The following CATSPERT variants were observed in gnomAD, a reference collection of about 807,000 sequenced individuals.
The protein encoded by CATSPERT is cation channel sperm-associated targeting subunit tau.
At chr2:201,605,173 GA>G in the CATSPERT span, among the ~76,000 whole-genome samples, 5 of 151,904 alleles carry the variant, frequency 3.3e-5, no homozygotes, top group Non-Finnish European at 7.4e-5. Flanking sequence ...CAAGGAAAGA[GA>G]AATCTTAAGA....
the CATSPERT span, among the ~76,000 whole-genome samples, chr2:201,572,223 ATTTTATTATAC>A: frequency 6.6e-6 from 1 of 152,214 alleles, no homozygotes; most frequent in Non-Finnish European, 1.5e-5. Flanking sequence ...TTTGCCAAGC[ATTTTATTATAC>A]TTTTAATCTT....
chr2:201,598,190 C>T, the CATSPERT span, among the ~76,000 whole-genome samples: 256 of 152,302 alleles, frequency 1.7e-3, 1 homozygote, highest in African/African-American at 5.9e-3. Context: ...CAGCCTCAAA[C>T]TACTGGGTGC....
the CATSPERT span, among the ~76,000 whole-genome samples, chr2:201,588,144 T>C: frequency 1.3e-5 from 2 of 152,160 alleles, no homozygotes; most frequent in Non-Finnish European, 2.9e-5. Flanking sequence ...TAACTCATTC[T>C]ATGAGGCCAG....
the CATSPERT span, among the ~76,000 whole-genome samples, chr2:201,543,267 A>C: frequency 6.6e-6 from 1 of 152,138 alleles, no homozygotes; most frequent in Non-Finnish European, 1.5e-5. Context: ...TTTGTAATAC[A>C]TTTTGAAATC....
chr2:201,610,425 T>A, the CATSPERT span, among the ~76,000 whole-genome samples: 1 of 148,796 alleles, frequency 6.7e-6, no homozygotes, highest in Non-Finnish European at 1.5e-5. Flanking sequence ...GCCACTGCAC[T>A]CCAGCCTGGG....
chr2:201,584,551 G>A, the CATSPERT span, among the ~76,000 whole-genome samples: 3 of 152,002 alleles, frequency 2.0e-5, no homozygotes, highest in Admixed American at 6.5e-5. Flanking sequence ...TTGGGAGGCC[G>A]AGGTGGGTGA....
At chr2:201,601,708 T>C in the CATSPERT span, 2 of 1,578,134 alleles carry the variant, frequency 1.3e-6, no homozygotes, top group Non-Finnish European at 1.7e-6. Context: ...TAAGGAGCCA[T>C]TCTAATATCT....
the CATSPERT span, chr2:201,494,595 T>G: frequency 6.5e-7 from 1 of 1,537,298 alleles, no homozygotes; most frequent in Non-Finnish European, 8.7e-7. Flanking sequence ...GTCCTGCAGT[T>G]TTTGATTGTG....
the CATSPERT span, chr2:201,494,278 T>C: frequency 6.5e-7 from 1 of 1,537,100 alleles, no homozygotes; most frequent in Non-Finnish European, 8.7e-7. Context: ...AAATAATTTG[T>C]CTGAAAGGTC....
chr2:201,608,842 CAAAG>C, the CATSPERT span, among the ~76,000 whole-genome samples: 1 of 134,762 alleles, frequency 7.4e-6, no homozygotes, highest in African/African-American at 2.8e-5. Flanking sequence ...AAGAAACAAA[CAAAG>C]AAAGAAAGAA....
chr2:201,515,436 T>C, the CATSPERT span, among the ~76,000 whole-genome samples: 1 of 151,768 alleles, frequency 6.6e-6, no homozygotes, highest in African/African-American at 2.4e-5. Context: ...AGTTTCCCCA[T>C]GTTGGCCAGG....
chr2:201,545,650 AAAAG>A, the CATSPERT span: 64 of 830,706 alleles, frequency 7.7e-5, no homozygotes, highest in Non-Finnish European at 9.1e-5. Flanking sequence ...AAAAAAAAAA[AAAAG>A]AAAAAAAAAT....
chr2:201,549,415 A>G, the CATSPERT span, among the ~76,000 whole-genome samples: 1 of 152,054 alleles, frequency 6.6e-6, no homozygotes, highest in Non-Finnish European at 1.5e-5. Context: ...TCATCTAAAA[A>G]TTTCGAATGA....
the CATSPERT span, chr2:201,535,801 C>T: frequency 7.1e-7 from 1 of 1,408,608 alleles, no homozygotes; most frequent in Non-Finnish European, 9.2e-7. Flanking sequence ...TTTTGTCTCC[C>T]TAGTCTTATA....
chr2:201,581,459 T>TATAC, the CATSPERT span, among the ~76,000 whole-genome samples: 1 of 116,986 alleles, frequency 8.5e-6, no homozygotes, highest in African/African-American at 3.3e-5. Flanking sequence ...TATATATGTA[T>TATAC]ACACACACAC....
chr2:201,602,978 CA>C, the CATSPERT span, among the ~76,000 whole-genome samples: 1 of 152,180 alleles, frequency 6.6e-6, no homozygotes, highest in Non-Finnish European at 1.5e-5. Context: ...CATGCATCCC[CA>C]CTAAAGCAAC....
At chr2:201,591,172 G>A in the CATSPERT span, among the ~76,000 whole-genome samples, 2 of 152,122 alleles carry the variant, frequency 1.3e-5, no homozygotes, top group South Asian at 4.1e-4. Context: ...TAAGGTGTAA[G>A]GAAGGGATCC....
chr2:201,491,558 G>A, the CATSPERT span: 2 of 1,536,852 alleles, frequency 1.3e-6, no homozygotes, highest in Non-Finnish European at 8.7e-7. Context: ...TGACAATACT[G>A]GTCTTCTAAT....
the CATSPERT span, among the ~76,000 whole-genome samples, chr2:201,536,627 C>T: frequency 6.6e-6 from 1 of 151,766 alleles, no homozygotes; most frequent in Admixed American, 6.6e-5. Flanking sequence ...ATTACACTGT[C>T]ACCAATATAT....
Sources: allele counts gnomAD v4.1 joint callset (sites outside exome capture counted in the v4.1 genomes callset), GRCh38; gene constraint gnomAD v4.1.1; transcripts MANE v1.5; gene names NCBI Gene and HGNC (gene_info 2026-07-23, HGNC 2026-07-21).